The following GRWD1 variants were observed in gnomAD, a reference collection of about 807,000 sequenced individuals.
GRWD1 encodes the protein glutamate rich WD repeat containing 1, also known as glutamate-rich WD repeat-containing protein 1.
In GRWD1, 29 loss-of-function variants were observed where a neutral mutation model predicts 45.3. The ratio of observed to expected loss-of-function variants is 0.64; its 90% CI spans 0.48 to 0.87. The LOEUF (loss-of-function observed/expected upper bound fraction) is 0.87. Among genes scored for constraint, GRWD1 ranks in the 40% least tolerant of loss-of-function variants. GRWD1 has a pLI of 0.00. For missense variants in GRWD1, 592 were observed against 618.8 expected, an observed-to-expected ratio of 0.96 and a Z score of 0.46; for synonymous variants, 262 against 257.6, an observed-to-expected ratio of 1.02 and a Z score of -0.16.
At chr19:48,448,660 T>C (rs1971437980) in intron 3 of GRWD1, among the ~76,000 whole-genome samples, 1 of 152,216 alleles carries the variant, frequency 6.6e-6, no homozygotes, top group Admixed American at 6.5e-5. Flanking sequence ...TCACAGGTAG[T>C]GGGGCAGTGA....
Position 48,454,828 on chromosome 19 carries a change from CTCAG to C in GRWD1, c.*1806_*1809del, listed in dbSNP as rs1320157372. 6.6e-6 allele frequency: 1 copy of C among 152,262 alleles called. No homozygotes were observed. The highest frequency in any genetic ancestry group is 1.5e-5 in the Non-Finnish European group (1 of 68,116). 9.4% of individuals were successfully genotyped at this position (152,262 alleles called of 1,614,324 possible). A position where few individuals can be genotyped will look rare whatever the true frequency, so the allele number is the denominator to read the frequency against. ...GCTTCCATCCTTTCAGAGAAACCCT[CTCAG>C]TCTGTCTGTCTCTGTCTCTGTCTCT... On this transcript the variant is annotated 3_prime_UTR_variant, in exon 7 of 7. Coordinates refer to ENST00000253237, the MANE Select transcript of GRWD1 (RefSeq NM_031485.4).
rs1971481901 is a variant in GRWD1 at position 48,452,100 on chromosome 19, T to C, written c.1024-608T>C. On this transcript the variant is annotated intron_variant, in intron 6 of 6. Transcript: ENST00000253237. The surrounding 1 kb of genome is among the most constrained non-coding windows in gnomAD (Gnocchi z 5.1). Reference sequence around the variant, plus strand: ...GCCCTCCTTTTTTTCTTTTTTTTTTTTTTTTTCTTTTTTTTTGCGATGGAG... The same window carrying C: ...GCCCTCCTTTTTTTCTTTTTTTTTTCTTTTTTCTTTTTTTTTGCGATGGAG... 6.6e-6 allele frequency among the ~76,000 whole-genome samples: 1 copy of C among 151,134 alleles called. No homozygotes were observed. Among genetic ancestry groups the C allele is most frequent in the Non-Finnish European group, 1.5e-5 (1 of 67,836 alleles).
In GRWD1 at chr19:48,452,770, C is replaced by G; in HGVS notation, c.1086C>G (p.His362Gln). The G allele has an allele frequency of 1.2e-6, 2 of 1,606,398 alleles. No homozygotes were observed. The highest frequency in any genetic ancestry group is 1.7e-6 in the Non-Finnish European group (2 of 1,174,084). ...CCCCCGTGACCTCCGTCGAGTGGCA[C>G]CCCCAGGACAGCGGGGTCTTTGCAG... is the stretch of plus-strand genomic sequence containing the variant. ...HVAPVTSVEW[H>Q]PQDSGVFAAS... The change falls in exon 7 of 7, where the codon CAC becomes CAG. Residue 362 changes from histidine to glutamine, a missense_variant. By Grantham distance (24) the His-to-Gln change is conservative. Transcript: ENST00000253237. This position sits in a 1 kb window ranked among gnomAD's most constrained non-coding sequence, Gnocchi z 5.1.
chr19:48,447,007 G>C (rs1971415522), intron 3 of GRWD1, among the ~76,000 whole-genome samples, 164 bp downstream of exon 3: 1 of 150,150 alleles, frequency 6.7e-6, no homozygotes. Flanking sequence ...CGCAGCCTCG[G>C]CTCACTGCAA....
intron 2 of GRWD1, 61 bp downstream of exon 2, chr19:48,446,563 C>G: frequency 6.3e-7 from 1 of 1,585,230 alleles, no homozygotes; most frequent in Non-Finnish European, 8.6e-7. Flanking sequence ...CCTCAGCACC[C>G]AGGAGTTAGG....
At chr19:48,447,520 C>T (rs1971423870) in intron 3 of GRWD1, among the ~76,000 whole-genome samples, 1 of 152,096 alleles carries the variant, frequency 6.6e-6, no homozygotes, top group Non-Finnish European at 1.5e-5. Flanking sequence ...AGATTACAGG[C>T]GTGAGCCACC....
chr19:48,452,973 T>C lies in GRWD1; in HGVS notation c.1289T>C (p.Leu430Pro), dbSNP rs776745728. The C allele has an allele frequency of 1.9e-6, 3 of 1,608,852 alleles. No individual in the cohort carries two copies. In the East Asian group the frequency reaches 6.7e-5, roughly 36 times the overall value. The change falls in exon 7 of 7, where the codon CTG (leucine) becomes CCG (proline). Residue 430 changes from leucine (L) to proline (P), a missense_variant. By Grantham distance (98) the Leu-to-Pro change is moderately conservative (BLOSUM62 -3). Transcript: ENST00000253237. The surrounding 1 kb of genome is among the most constrained non-coding windows in gnomAD (Gnocchi z 5.1). ...LHWHPQCPGL[L>P]VSTALSGFTI... ...TGGCACCCGCAGTGCCCAGGGCTCC[T>C]GGTCAGCACGGCGCTGTCAGGCTTC...
Position 48,452,758 on chromosome 19 carries a change from C to T in GRWD1, c.1074C>T (p.Ser358=), listed in dbSNP as rs922221859. Residue 358 remains serine, a synonymous_variant, in exon 7 of 7, where the codon TCC becomes TCT. Transcript: ENST00000253237. This position sits in a 1 kb window ranked among gnomAD's most constrained non-coding sequence, Gnocchi z 5.1. ...AGCAGCACGTGGCCCCCGTGACCTC[C>T]GTCGAGTGGCACCCCCAGGACAGCG... The part of the protein sequence containing the change: ...TFKQHVAPVT[S]VEWHPQDSGV... The T allele has an allele frequency of 1.1e-5, 17 of 1,601,824 alleles. No homozygotes were observed. The highest frequency in any genetic ancestry group is 2.2e-5 in the East Asian group (1 of 44,534).
chr19:48,446,750 AGAAGAG>A lies in GRWD1; in HGVS notation c.378_383del (p.Glu128_Glu129del), dbSNP rs750476551. ...CACCCTCAGAGGGCAGTGATGAAGA[AGAAGAG>A]GAGGAAGATGAAGAGGATGAAGAAG... On this transcript the variant is annotated inframe_deletion, in exon 3 of 7. Coordinates refer to ENST00000253237, the MANE Select transcript of GRWD1 (RefSeq NM_031485.4). The A allele has an allele frequency of 1.9e-6, 3 of 1,613,998 alleles. No individual in the cohort carries two copies. The highest frequency in any genetic ancestry group is 2.2e-5 in the South Asian group (2 of 91,074).
intron 3 of GRWD1, 91 bp downstream of exon 3, chr19:48,446,934 CT>C (rs752488198): frequency 0.2 from 118,133 of 599,702 alleles, 4,492 homozygotes; most frequent in Non-Finnish European, 0.21. Flanking sequence ...TCCTCATGTT[CT>C]TTTTTTTTTT....
Position 48,450,385 on chromosome 19 carries a change from C to A in GRWD1, c.541C>A (p.Arg181=). The A allele has an allele frequency of 6.2e-7, 1 of 1,613,638 alleles. No individual in the cohort carries two copies. ...EKGQVEVFAL[R]RLLQVVEEPQ... is the part of the protein sequence containing the mutation. ...GGGCCAGGTGGAGGTGTTTGCGCTGCGGCGGCTTCTGCAGGTGGTGGAGGA... is the reference window on the plus strand; with the variant it reads ...GGGCCAGGTGGAGGTGTTTGCGCTGAGGCGGCTTCTGCAGGTGGTGGAGGA... The change falls in exon 4 of 7, where the codon CGG becomes AGG. Residue 181 remains arginine, a synonymous_variant. Coordinates refer to ENST00000253237, the MANE Select transcript of GRWD1 (RefSeq NM_031485.4). The surrounding 1 kb of genome is among the most constrained non-coding windows in gnomAD (Gnocchi z 5.1).
At position 48,452,713 on chromosome 19, in the gene GRWD1, T is replaced by C; in HGVS notation, c.1029T>C (p.Gly343=). 1 of 1,565,594 alleles carries C rather than the reference T, an allele frequency of 6.4e-7. No individual in the cohort carries two copies. The highest frequency in any genetic ancestry group is 1.7e-4 in the Middle Eastern group (1 of 5,854). ...CTCCCATCCTCTCCCTCTAGTCTGG[T>C]TCCCCAGTGGCCACCTTCAAGCAGC... ...KIWDLRQFKS[G]SPVATFKQHV... is the part of the protein sequence containing the mutation. The change falls in exon 7 of 7, where the codon GGT becomes GGC. Residue 343 remains glycine, a synonymous_variant. Transcript: ENST00000253237. This position sits in a 1 kb window ranked among gnomAD's most constrained non-coding sequence, Gnocchi z 5.1.
In GRWD1 at chr19:48,455,395, G is replaced by A. The variant is rs1971527182; in HGVS notation, c.*2370G>A. On this transcript the variant is annotated 3_prime_UTR_variant, in exon 7 of 7. Coordinates refer to ENST00000253237, the MANE Select transcript of GRWD1 (RefSeq NM_031485.4). ...AGTGTTGATTTGGGAGGGTGAGGGT[G>A]GGGCCTGGGGGCGGGGCTTCTTGGC... 6.6e-6 allele frequency: 1 copy of A among 152,268 alleles called. No homozygotes were observed. The highest frequency in any genetic ancestry group is 2.4e-5 in the African/African-American group (1 of 41,446). The allele number at this position is 152,268 out of a possible 1,614,324, so 9.4% of individuals were successfully genotyped here. A position where few individuals can be genotyped will look rare whatever the true frequency, so the allele number is the denominator to read the frequency against.
Position 48,452,714 on chromosome 19 carries a change from T to G in GRWD1, c.1030T>G (p.Ser344Ala). The stretch of plus-strand genomic sequence containing the variant: ...TCCCATCCTCTCCCTCTAGTCTGGT[T>G]CCCCAGTGGCCACCTTCAAGCAGCA... ...IWDLRQFKSGSPVATFKQHVA... is the reference protein window; with the variant it reads ...IWDLRQFKSGAPVATFKQHVA... Residue 344 changes from serine (S) to alanine (A), a missense_variant, in exon 7 of 7, where the codon TCC (serine) becomes GCC (alanine). Coordinates refer to ENST00000253237, the MANE Select transcript of GRWD1 (RefSeq NM_031485.4). The surrounding 1 kb of genome is among the most constrained non-coding windows in gnomAD (Gnocchi z 5.1). 6.4e-7 allele frequency: 1 copy of G among 1,566,234 alleles called. No homozygotes were observed. Among genetic ancestry groups the G allele is most frequent in the Non-Finnish European group, 8.7e-7 (1 of 1,149,778 alleles).
Position 48,446,493 on chromosome 19 carries a change from A to G in GRWD1, c.296A>G (p.Gln99Arg). The change falls in exon 2 of 7, where the codon CAG becomes CGG. Residue 99 changes from glutamine to arginine, a missense_variant. Physicochemically the swap from Gln to Arg is conservative, Grantham distance 43. Coordinates refer to ENST00000253237, the MANE Select transcript of GRWD1 (RefSeq NM_031485.4). Reference sequence around the variant, plus strand: ...GCTGGGACCCAGGCTGAGAGCGCCCAGAGCAACAGGTAAGACCCGAGGCTT... The same window carrying G: ...GCTGGGACCCAGGCTGAGAGCGCCCGGAGCAACAGGTAAGACCCGAGGCTT... ...LCAGTQAESAQSNRLMMLRMH... is the reference protein window; with the variant it reads ...LCAGTQAESARSNRLMMLRMH... The G allele has an allele frequency of 6.2e-7, 1 of 1,613,970 alleles. No individual in the cohort carries two copies. Among genetic ancestry groups the G allele is most frequent in the Non-Finnish European group, 8.5e-7 (1 of 1,179,860 alleles).
chr19:48,446,538 A>C (rs370278405), intron 2 of GRWD1, 36 bp downstream of exon 2: 173 of 1,602,696 alleles, frequency 1.1e-4, no homozygotes, highest in Non-Finnish European at 1.4e-4. Context: ...CAGGAGGCTC[A>C]GTTTCCAGCC....
rs779791745 is a variant in GRWD1 at position 48,446,814 on chromosome 19, C to T, written c.439C>T (p.Pro147Ser). The T allele has an allele frequency of 1.2e-6, 2 of 1,613,826 alleles. No homozygotes were observed. The highest frequency in any genetic ancestry group is 1.7e-6 in the Non-Finnish European group (2 of 1,179,966). The change falls in exon 3 of 7, where the codon CCC becomes TCC. Residue 147 changes from proline to serine, a missense_variant. Transcript: ENST00000253237. ...RKPQLELAMV[P>S]HYGGINRVRV... ...ACCTCAGCTGGAGCTGGCCATGGTG[C>T]CCCACTATGGTGGCATCAACCGAGT...
chr19:48,450,966 A>C lies in GRWD1; in HGVS notation c.826-68A>C. ...GGAACAGTGAAAGAGAGAGTAGCCC[A>C]CCGCTGGCGCTTGGGCTTCACTGCG... On this transcript the variant is annotated intron_variant, in intron 5 of 6. Transcript: ENST00000253237. This position sits in a 1 kb window ranked among gnomAD's most constrained non-coding sequence, Gnocchi z 5.1. The C allele has an allele frequency of 6.5e-7, 1 of 1,541,368 alleles. No individual in the cohort carries two copies. Among genetic ancestry groups the C allele is most frequent in the East Asian group, 2.3e-5 (1 of 44,162 alleles).
In GRWD1 at chr19:48,446,679, A is replaced by G. The variant is rs1971406726; in HGVS notation, c.306-2A>G. The G allele has an allele frequency of 1.3e-6, 2 of 1,583,418 alleles. No homozygotes were observed. Among genetic ancestry groups the G allele is most frequent in the Non-Finnish European group, 1.7e-6 (2 of 1,164,500 alleles). The stretch of plus-strand genomic sequence containing the variant: ...CCTAACTCACCCCACAATTTCTCCC[A>G]GACTGATGATGCTTCGGATGCACAA... On this transcript the variant is annotated splice_acceptor_variant, in intron 2 of 6. Coordinates refer to ENST00000253237, the MANE Select transcript of GRWD1 (RefSeq NM_031485.4). LOFTEE classifies it high-confidence loss of function.
Sources: allele counts gnomAD v4.1 joint callset (sites outside exome capture counted in the v4.1 genomes callset), GRCh38; gene constraint gnomAD v4.1.1; non-coding constraint Gnocchi (gnomAD v3.1); transcripts MANE v1.5; gene names NCBI Gene and HGNC (gene_info 2026-07-23, HGNC 2026-07-21).